Variants in N4BP2 observed in about 807,000 individuals in gnomAD.
N4BP2 encodes the protein NEDD4 binding protein 2.
A neutral mutation model predicts 152.8 loss-of-function variants in N4BP2; 91 were observed. That is an observed-to-expected ratio of 0.60 (90% confidence interval 0.50 to 0.71). N4BP2 has a LOEUF of 0.71. Among genes scored for constraint, N4BP2 ranks in the 30% least tolerant of loss-of-function variants. N4BP2 has a pLI of 0.00. For synonymous variants in N4BP2, 646 were observed against 705.3 expected, an observed-to-expected ratio of 0.92 and a Z score of 1.33; for missense variants, 1,923 against 2,059.1, an observed-to-expected ratio of 0.93 and a Z score of 1.28.
chr4:40,175,669 G>A, the N4BP2 span, among the ~76,000 whole-genome samples: 4 of 151,968 alleles, frequency 2.6e-5, no homozygotes, highest in South Asian at 2.1e-4. Flanking sequence ...GTAGCAGGGC[G>A]TGGTGGCGGG....
chr4:40,126,267 TA>T lies in N4BP2; in HGVS notation c.4470del (p.Val1491TyrfsTer6), dbSNP rs1718399467. ...PLLDHWNTQT[K>X]KVSLREIMSE... ...TATTGGATCATTGGAATACTCAAACTAAAAAAGTATCACTCAGAGAAATAAT... is the reference window on the plus strand; with the variant it reads ...TATTGGATCATTGGAATACTCAAACTAAAAAGTATCACTCAGAGAAATAAT... On this transcript the variant is annotated frameshift_variant, in exon 12 of 18. Coordinates refer to ENST00000261435, the MANE Select transcript of N4BP2 (RefSeq NM_018177.6). LOFTEE classifies it high-confidence loss of function. The T allele has an allele frequency of 1.9e-6, 3 of 1,594,570 alleles. No individual in the cohort carries two copies. Among genetic ancestry groups the T allele is most frequent in the Admixed American group, 1.8e-5 (1 of 56,542 alleles).
Position 40,097,492 on chromosome 4 carries a change from T to A in N4BP2, c.152T>A (p.Phe51Tyr). The A allele has an allele frequency of 6.2e-7, 1 of 1,614,046 alleles. No individual in the cohort carries two copies. Among genetic ancestry groups the A allele is most frequent in the African/African-American group, 1.3e-5 (1 of 75,060 alleles). ...ACAAAAGTTGATCAGGAAGAACTCT[T>A]CACCAGTATCTCAGAGATATTTTCT... is the stretch of plus-strand genomic sequence containing the variant. ...GETKVDQEEL[F>Y]TSISEIFSDL... The change falls in exon 3 of 18, where the codon TTC becomes TAC. Residue 51 changes from phenylalanine to tyrosine, a missense_variant. Phe to Tyr is a conservative substitution (Grantham distance 22). Transcript: ENST00000261435.
At chr4:40,158,658 C>G (rs145222954), downstream of N4BP2, among the ~76,000 whole-genome samples, 1,307 of 151,976 alleles carry the variant, frequency 8.6e-3, 15 homozygotes, top group Non-Finnish European at 0.011. Context: ...GGCATGGTGG[C>G]ATACACCTGT....
intron 1 of N4BP2, among the ~76,000 whole-genome samples, chr4:40,071,041 T>C (rs1578949991): frequency 6.6e-6 from 1 of 151,876 alleles, no homozygotes; most frequent in African/African-American, 2.4e-5. Flanking sequence ...GCCAGGCTGG[T>C]GTTTTTTTTT....
At chr4:40,146,526 T>C (rs1720533915) in intron 16 of N4BP2, among the ~76,000 whole-genome samples, 1 of 152,252 alleles carries the variant, frequency 6.6e-6, no homozygotes, top group African/African-American at 2.4e-5. Context: ...TGGTAGTTAT[T>C]ACTCTTATTT....
At chr4:40,122,793 C>T (rs1277155180) in intron 9 of N4BP2, among the ~76,000 whole-genome samples, 1 of 152,114 alleles carries the variant, frequency 6.6e-6, no homozygotes, top group African/African-American at 2.4e-5. Context: ...GGTGCTACTC[C>T]AGATACATTT....
intron 14 of N4BP2, chr4:40,142,320 G>T: frequency 3.2e-6 from 1 of 314,862 alleles, no homozygotes; most frequent in Non-Finnish European, 6.3e-6. Flanking sequence ...TGGTGGCGAC[G>T]GCTGGAGTTG....
intron 16 of N4BP2, among the ~76,000 whole-genome samples, chr4:40,150,495 C>T (rs1030951281): frequency 9.9e-5 from 15 of 152,058 alleles, no homozygotes; most frequent in South Asian, 2.1e-4. Flanking sequence ...GGTGAAACCA[C>T]GTCTCCACTA....
At chr4:40,146,890 T>TCC (rs869036534) in intron 16 of N4BP2, among the ~76,000 whole-genome samples, 2 of 93,196 alleles carry the variant, frequency 2.1e-5, no homozygotes, top group African/African-American at 4.0e-5. Flanking sequence ...TTTTTTTTTT[T>TCC]CCCCAGGTAA....
At chr4:40,186,348 TTAGG>T in the N4BP2 span, among the ~76,000 whole-genome samples, 3 of 144,970 alleles carry the variant, frequency 2.1e-5, no homozygotes, top group East Asian at 6.0e-4. Flanking sequence ...TAGAGAAAAC[TTAGG>T]TAGACTTGCT....
chr4:40,149,747 A>T (rs1017718108), intron 16 of N4BP2, among the ~76,000 whole-genome samples: 7 of 151,890 alleles, frequency 4.6e-5, no homozygotes, highest in African/African-American at 1.7e-4. Context: ...ACAAAAAAAA[A>T]TTAGCTGGGC....
the N4BP2 span, among the ~76,000 whole-genome samples, chr4:40,190,012 T>C: frequency 3.7e-4 from 57 of 152,328 alleles, no homozygotes; most frequent in African/African-American, 1.3e-3. Context: ...ATTTTTCGTC[T>C]TTCTATGAAG....
At chr4:40,133,550 G>C (rs112073368) in intron 13 of N4BP2, among the ~76,000 whole-genome samples, 9,786 of 152,128 alleles carry the variant, frequency 0.064, 397 homozygotes, top group Non-Finnish European at 0.085. Context: ...TGGCCAGGCT[G>C]GTCTCGAACT....
At chr4:40,105,782 C>A (rs749679470) in intron 4 of N4BP2, among the ~76,000 whole-genome samples, 1 of 152,086 alleles carries the variant, frequency 6.6e-6, no homozygotes, top group East Asian at 1.9e-4. Context: ...AACTCCTGGG[C>A]TCAAGCAGTC....
At chr4:40,090,486 A>G (rs1714416728) in intron 2 of N4BP2, among the ~76,000 whole-genome samples, 1 of 152,212 alleles carries the variant, frequency 6.6e-6, no homozygotes, top group African/African-American at 2.4e-5. Flanking sequence ...AAATATAGGA[A>G]GTCCTCACAT....
chr4:40,077,514 C>T (rs916308638), intron 2 of N4BP2, among the ~76,000 whole-genome samples: 2 of 148,814 alleles, frequency 1.3e-5, no homozygotes, highest in African/African-American at 5.0e-5. Flanking sequence ...AGTGCAGTGG[C>T]GCGATCTTGG....
At chr4:40,127,866 T>G (rs1172692878) in intron 12 of N4BP2, among the ~76,000 whole-genome samples, 1 of 152,188 alleles carries the variant, frequency 6.6e-6, no homozygotes, top group Admixed American at 6.5e-5. Context: ...TTTCACCGTG[T>G]TAGCCAGGAT....
the N4BP2 span, among the ~76,000 whole-genome samples, chr4:40,189,183 A>G: frequency 6.6e-6 from 1 of 151,540 alleles, no homozygotes; most frequent in African/African-American, 2.4e-5. This position sits in a 1 kb window ranked among gnomAD's most constrained non-coding sequence, Gnocchi z 4.3. Flanking sequence ...AACAAAACAA[A>G]ACAAAACACC....
intron 2 of N4BP2, among the ~76,000 whole-genome samples, chr4:40,074,680 A>G (rs1178456484): frequency 6.6e-6 from 1 of 152,154 alleles, no homozygotes; most frequent in Non-Finnish European, 1.5e-5. Flanking sequence ...TAGTTTTTCT[A>G]TTTAATGAGT....
Sources: gnomAD v4.1 joint callset for allele counts (sites outside exome capture counted in the v4.1 genomes callset) on GRCh38, gnomAD v4.1.1 for gene constraint, Gnocchi (gnomAD v3.1) non-coding constraint, MANE v1.5 for transcripts, NCBI Gene and HGNC (gene_info 2026-07-23, HGNC 2026-07-21) for gene names.